Variants in BRCA1 observed in about 807,000 individuals in gnomAD.
The protein encoded by BRCA1 is breast cancer type 1 susceptibility protein.
A neutral mutation model predicts 173.7 loss-of-function variants in BRCA1; 140 were observed. The observed-to-expected ratio is 0.81, with a 90% CI of 0.70 to 0.93. BRCA1 has a LOEUF of 0.93. Ranked by LOEUF, BRCA1 falls within the 40% of genes least tolerant of loss-of-function variation. The pLI, the probability that BRCA1 is intolerant of heterozygous loss-of-function variation, is 0.00. For missense variants in BRCA1, 1,983 were observed against 2,172.5 expected, an observed-to-expected ratio of 0.91 and a Z score of 1.73; for synonymous variants, 662 against 756.0, an observed-to-expected ratio of 0.88 and a Z score of 2.04.
At chr17:43,077,893 G>A (rs969031910) in intron 12 of BRCA1, among the ~76,000 whole-genome samples, 1 of 150,832 alleles carries the variant, frequency 6.6e-6, no homozygotes, top group Non-Finnish European at 1.5e-5. Flanking sequence ...GCACCACCTC[G>A]CCCAACTAAT....
intron 15 of BRCA1, 129 bp from the exon 16 acceptor site, chr17:43,067,824 T>A: frequency 4.2e-6 from 2 of 478,416 alleles, no homozygotes; most frequent in Non-Finnish European, 3.6e-6. Context: ...GTCCTGGAAC[T>A]ATTTAAAGTG....
chr17:43,144,877 C>A, intron 1 of BRCA1: 1 of 524,248 alleles, frequency 1.9e-6, no homozygotes. Flanking sequence ...GTGGCAGCGG[C>A]CAGGCAGCCC....
At chr17:43,099,050 C>T (rs1437722005) in intron 7 of BRCA1, among the ~76,000 whole-genome samples, 1 of 149,748 alleles carries the variant, frequency 6.7e-6, no homozygotes, top group Non-Finnish European at 1.5e-5. Context: ...CTTGAACTCC[C>T]GACCTCAGGT....
intron 16 of BRCA1, among the ~76,000 whole-genome samples, chr17:43,064,404 C>T (rs888329420): frequency 2.0e-5 from 3 of 152,260 alleles, no homozygotes; most frequent in African/African-American, 7.2e-5. Context: ...ATTTTCACCC[C>T]TAGAATGTCT....
intron 6 of BRCA1, among the ~76,000 whole-genome samples, chr17:43,102,019 C>T (rs1328719593): frequency 6.6e-6 from 1 of 152,106 alleles, no homozygotes; most frequent in Non-Finnish European, 1.5e-5. Context: ...GCTCCAGCCT[C>T]AGCCTCCCAA....
At chr17:43,105,881 A>G (rs2054738444) in intron 4 of BRCA1, among the ~76,000 whole-genome samples, 1 of 152,178 alleles carries the variant, frequency 6.6e-6, no homozygotes, top group Non-Finnish European at 1.5e-5. Flanking sequence ...TGTGAACCCC[A>G]GCACTTTGGG....
At chr17:43,169,311 GGC>G (rs1302417272) in intron 1 of BRCA1, among the ~76,000 whole-genome samples, 1 of 152,100 alleles carries the variant, frequency 6.6e-6, no homozygotes, top group African/African-American at 2.4e-5. Flanking sequence ...CTGAGTAGCT[GGC>G]GCGCGCCACC....
In BRCA1 at chr17:43,045,683, A is replaced by C. The variant is rs763740623; in HGVS notation, c.5587T>G (p.Tyr1863Asp). The part of the protein sequence containing the change: ...YLIPQIPHSH[Y>D] ...GTACCTGTGGCTGGCTGCAGTCAGT[A>C]GTGGCTGTGGGGGATCTGGGGTATC... Residue 1863 changes from tyrosine (Y) to aspartate (D), a missense_variant, in exon 23 of 23, where the codon TAC becomes GAC. By Grantham distance (160) the Tyr-to-Asp change is radical. Coordinates refer to ENST00000357654, the MANE Select transcript of BRCA1 (RefSeq NM_007294.4). The C allele has an allele frequency of 6.2e-7, 1 of 1,613,738 alleles. No homozygotes were observed. The highest frequency in any genetic ancestry group is 8.5e-7 in the Non-Finnish European group (1 of 1,179,736).
chr17:43,161,479 A>G lies in BRCA1; in HGVS notation c.-20+8647T>C, dbSNP rs144671134. The G allele has an allele frequency of 3.3e-5, 5 of 152,306 alleles. No individual in the cohort carries two copies. The East Asian group carries it at 9.6e-4, about 29-fold the overall frequency. 9.4% of individuals were successfully genotyped at this position (152,306 alleles called of 1,614,324 possible). A position where few individuals can be genotyped will look rare whatever the true frequency, so the allele number is the denominator to read the frequency against. ...GGAAGAAAGATGGTTTAATAGTGCCAATAACACAACTACTTGTCAGGCAGC... is the reference window on the plus strand; with the variant it reads ...GGAAGAAAGATGGTTTAATAGTGCCGATAACACAACTACTTGTCAGGCAGC... On this transcript the variant is annotated intron_variant, in intron 1 of 7. Coordinates refer to the BRCA1 transcript ENST00000634433.
At chr17:43,127,748 G>A (rs1156489842), upstream of BRCA1, among the ~76,000 whole-genome samples, 1 of 152,140 alleles carries the variant, frequency 6.6e-6, no homozygotes, top group Non-Finnish European at 1.5e-5. Flanking sequence ...GCCCCGCTGG[G>A]TGCCAGTGGC....
rs1358143335 is a variant in BRCA1, at chr17:43,045,197, C to CT, written c.*480dup. 2 of 536,378 alleles carry CT rather than the reference C, an allele frequency of 3.7e-6. No homozygotes were observed. The highest frequency in any genetic ancestry group is 4.4e-5 in the Admixed American group (2 of 45,110). The allele number at this position is 536,378 out of a possible 1,614,324, so 33.2% of individuals were successfully genotyped here. A position where few individuals can be genotyped will look rare whatever the true frequency, so the allele number is the denominator to read the frequency against. ...GAGAACTGCCCAAGGACTATTCTGA[C>CT]TTTAAGTCACATAATCGATCCCAAG... is the stretch of plus-strand genomic sequence containing the variant. On this transcript the variant is annotated 3_prime_UTR_variant, in exon 23 of 23. Transcript: ENST00000357654.
chr17:43,154,144 C>T (rs1459222871), intron 1 of BRCA1, among the ~76,000 whole-genome samples: 1 of 152,092 alleles, frequency 6.6e-6, no homozygotes, highest in Non-Finnish European at 1.5e-5. Context: ...GCCAAGATCA[C>T]ACCACTGCAC....
intron 18 of BRCA1, among the ~76,000 whole-genome samples, chr17:43,057,478 T>G (rs1340937019): frequency 6.6e-6 from 1 of 150,670 alleles, no homozygotes; most frequent in Admixed American, 6.6e-5. Flanking sequence ...GCCACTGCAC[T>G]CCAGCCTGGG....
intron 7 of BRCA1, among the ~76,000 whole-genome samples, chr17:43,097,895 G>C (rs1363901109): frequency 6.6e-6 from 1 of 152,114 alleles, no homozygotes; most frequent in Non-Finnish European, 1.5e-5. Flanking sequence ...TCATAAGGGG[G>C]GAAAACAGTA....
intron 19 of BRCA1, among the ~76,000 whole-genome samples, chr17:43,054,196 C>T (rs923934211): frequency 6.6e-6 from 1 of 152,112 alleles, no homozygotes. Flanking sequence ...GGAGGAAAAA[C>T]AGAGGACTGG....
chr17:43,067,255 G>GTTTTT (rs34267863), intron 16 of BRCA1: 5 of 172,742 alleles, frequency 2.9e-5, no homozygotes, highest in South Asian at 9.3e-5. Context: ...ATTTTTTCAC[G>GTTTTT]TTTTTTTTTT....
chr17:43,149,797 T>C (rs2056149179), intron 1 of BRCA1, among the ~76,000 whole-genome samples: 1 of 152,160 alleles, frequency 6.6e-6, no homozygotes, highest in African/African-American at 2.4e-5. Context: ...AGTTTCTTTT[T>C]TTTGTTTTTG....
rs116745063 is a variant in BRCA1 at position 43,168,081 on chromosome 17, C to G, written c.-20+2045G>C. On this transcript the variant is annotated intron_variant, in intron 1 of 7. Coordinates refer to the BRCA1 transcript ENST00000634433. ...CTAATCTTATTAGACATGTCTTTTC[C>G]TCCCTTCTATGTAAGGTCAATTCTG... is the stretch of plus-strand genomic sequence containing the variant. 664 of 215,568 alleles carry G rather than the reference C, an allele frequency of 3.1e-3. 6 individuals are homozygous for G. Among genetic ancestry groups the G allele is most frequent in the African/African-American group, 0.014 (604 of 42,024 alleles). 13.4% of individuals were successfully genotyped at this position (215,568 alleles called of 1,614,324 possible). A position where few individuals can be genotyped will look rare whatever the true frequency, so the allele number is the denominator to read the frequency against.
intron 3 of BRCA1, 99 bp downstream of exon 3, chr17:43,115,627 T>C (rs2055233511): frequency 8.4e-7 from 1 of 1,197,248 alleles, no homozygotes; most frequent in South Asian, 1.3e-5. Flanking sequence ...TCTCACTTAA[T>C]TGAAGAAAGT....
Sources: allele counts gnomAD v4.1 joint callset (sites outside exome capture counted in the v4.1 genomes callset), GRCh38; gene constraint gnomAD v4.1.1; transcripts MANE v1.5; gene names NCBI Gene and HGNC (gene_info 2026-07-23, HGNC 2026-07-21).